Variants in EOGT observed in about 807,000 individuals in gnomAD.
EOGT encodes the protein EGF domain-specific O-linked N-acetylglucosamine transferase.
Under a neutral mutation model 70.5 loss-of-function variants are expected in EOGT, and 55 were observed. The ratio of observed to expected loss-of-function variants is 0.78; its 90% confidence interval spans 0.63 to 0.98. EOGT has a LOEUF of 0.98. Ranked by LOEUF, EOGT falls within the 50% of genes least tolerant of loss-of-function variation. The pLI, the probability that EOGT is intolerant of heterozygous loss-of-function variation, is 0.00. For synonymous variants in EOGT, 246 were observed against 217.1 expected (o/e 1.13, Z -1.17); for missense variants, 703 against 641.9 (o/e 1.10, Z -1.03).
intron 15 of EOGT, among the ~76,000 whole-genome samples, chr3:68,982,516 T>A (rs1187804911): frequency 6.6e-6 from 1 of 152,118 alleles, no homozygotes; most frequent in Non-Finnish European, 1.5e-5. Flanking sequence ...CAAGATTCTG[T>A]CTCAAAAACA....
rs758511439 is a variant in EOGT, at chr3:69,007,714, G to A, written c.419C>T (p.Thr140Met). The A allele has an allele frequency of 6.3e-5, 99 of 1,583,142 alleles. No individual in the cohort carries two copies. The highest frequency in any genetic ancestry group is 2.7e-4 in the African/African-American group (20 of 73,406). Residue 140 changes from threonine to methionine, a missense_variant and splice_region_variant, in exon 6 of 18, where the codon ACG (threonine) becomes ATG (methionine). Thr to Met is a moderately conservative substitution (Grantham distance 81). Coordinates refer to ENST00000383701, the MANE Select transcript of EOGT (RefSeq NM_001278689.2). ...TTTAGTAAGGAGCAAAATACCCACC[G>A]TTTCCTTAGGCTGACAGAGCACATG... ...EMHVLCQPKE[T>M]SDSSLVCSRY...
At position 68,977,680 on chromosome 3, in the gene EOGT, C is replaced by A. The variant is rs2090510211; in HGVS notation, c.1522G>T (p.Ala508Ser). The change falls in exon 18 of 18, where the codon GCT becomes TCT. Residue 508 changes from alanine to serine, a missense_variant. Transcript: ENST00000383701. ...VEEFMYLVLQ[A>S]ADHVLQHPKW... ...GGGTGTTGCAATACGTGGTCTGCAGCCTGAAGGACAAGATACATAAATTCT... is the reference window on the plus strand; with the variant it reads ...GGGTGTTGCAATACGTGGTCTGCAGACTGAAGGACAAGATACATAAATTCT... 6.2e-7 allele frequency: 1 copy of A among 1,613,848 alleles called. No homozygotes were observed. The highest frequency in any genetic ancestry group is 1.1e-5 in the South Asian group (1 of 91,006).
intron 16 of EOGT, 63 bp from the exon 17 acceptor site, chr3:68,978,498 T>G: frequency 8.7e-7 from 1 of 1,147,742 alleles, no homozygotes. Flanking sequence ...AATCAACAAC[T>G]CTGCGAAAAT....
At chr3:68,996,129 G>A (rs185038054) in intron 10 of EOGT, among the ~76,000 whole-genome samples, 9 of 152,192 alleles carry the variant, frequency 5.9e-5, no homozygotes, top group Non-Finnish European at 1.2e-4. Context: ...AAAACATTTC[G>A]AAGAAATGAA....
In EOGT at chr3:68,986,371, C is replaced by T. The variant is rs149672460; in HGVS notation, c.1152+1074G>A. 7.2e-4 allele frequency among the ~76,000 whole-genome samples: 110 copies of T among 152,218 alleles called. 1 individual carries two copies. Among genetic ancestry groups the T allele is most frequent in the African/African-American group, 2.6e-3 (106 of 41,522 alleles). On this transcript the variant is annotated intron_variant, in intron 14 of 17. Transcript: ENST00000383701. Reference sequence around the variant, plus strand: ...GGAAGAGACATTATTCTACCAACAACGCCCTGCTTTAAAACTTCACAATGG... The same window carrying T: ...GGAAGAGACATTATTCTACCAACAATGCCCTGCTTTAAAACTTCACAATGG...
At chr3:69,009,158 G>A (rs1289937704) in intron 4 of EOGT, among the ~76,000 whole-genome samples, 1 of 152,188 alleles carries the variant, frequency 6.6e-6, no homozygotes, top group Non-Finnish European at 1.5e-5. Flanking sequence ...CTGGGGCCCT[G>A]TGAGATGTCT....
intron 3 of EOGT, among the ~76,000 whole-genome samples, chr3:69,010,614 T>C (rs767670733): frequency 1.3e-5 from 2 of 152,242 alleles, no homozygotes; most frequent in Non-Finnish European, 2.9e-5. Context: ...TTAAATGAGT[T>C]AGTTATTGGT....
intron 7 of EOGT, 38 bp from the exon 8 acceptor site, chr3:69,004,520 C>T (rs973474178): frequency 3.4e-6 from 5 of 1,454,512 alleles, no homozygotes; most frequent in Middle Eastern, 1.7e-4. Context: ...GTTCAGAAAA[C>T]GTCTTCATGA....
chr3:68,997,597 G>A (rs1376725857), intron 10 of EOGT, among the ~76,000 whole-genome samples: 1 of 152,078 alleles, frequency 6.6e-6, no homozygotes, highest in Non-Finnish European at 1.5e-5. Flanking sequence ...TCGAACTCCT[G>A]GCCTCAAATG....
intron 3 of EOGT, among the ~76,000 whole-genome samples, chr3:69,011,083 C>G (rs1354003730): frequency 6.6e-6 from 1 of 152,032 alleles, no homozygotes; most frequent in African/African-American, 2.4e-5. Flanking sequence ...AGAAACCTCA[C>G]TGCATTTCTA....
intron 16 of EOGT, 34 bp from the exon 17 acceptor site, chr3:68,978,469 T>C (rs774809355): frequency 1.4e-6 from 2 of 1,450,982 alleles, no homozygotes; most frequent in South Asian, 1.3e-5. Context: ...CATGAGGCTT[T>C]TGTCCAAGGT....
intron 6 of EOGT, 152 bp from the exon 7 acceptor site, chr3:69,005,386 G>T: frequency 1.8e-6 from 1 of 540,574 alleles, no homozygotes; most frequent in Non-Finnish European, 3.3e-6. Context: ...ATCTGCTGAA[G>T]GATATTTTCT....
Position 68,998,081 on chromosome 3 carries a change from A to C in EOGT, c.761T>G (p.Ile254Ser), listed in dbSNP as rs751668781. 12 of 1,599,358 alleles carry C rather than the reference A, an allele frequency of 7.5e-6. No individual in the cohort carries two copies. Among genetic ancestry groups the C allele is most frequent in the Non-Finnish European group, 8.5e-6 (10 of 1,171,702 alleles). Residue 254 changes from isoleucine (I) to serine (S), a missense_variant, in exon 10 of 18, where the codon ATC becomes AGC. Physicochemically the swap from Ile to Ser is moderately radical, Grantham distance 142. Transcript: ENST00000383701. ...VNMYHHFCDF[I>S]NLYITQHVNN... ...AACGTGCTGAGTAATATAAAGATTGATGAAATCACAGAAGTGGTGATACAT... is the reference window on the plus strand; with the variant it reads ...AACGTGCTGAGTAATATAAAGATTGCTGAAATCACAGAAGTGGTGATACAT...
chr3:68,998,554 T>C (rs2091215144), intron 9 of EOGT, among the ~76,000 whole-genome samples: 1 of 152,158 alleles, frequency 6.6e-6, no homozygotes, highest in Admixed American at 6.5e-5. Flanking sequence ...ATCAGTTGTT[T>C]TTTAAAGTCA....
At position 68,998,035 on chromosome 3, in the gene EOGT, G is replaced by A. The variant is rs200904493; in HGVS notation, c.807C>T (p.Asp269=). The part of the protein sequence containing the change: ...TQHVNNSFST[D]VYIVMWDTSS... ...CGGTGTCCCACATCACGATGTACAC[G>A]TCAGTACTGAATGAGTTATTAACGT... The change falls in exon 10 of 18, where the codon GAC becomes GAT. Residue 269 remains aspartate (D), a synonymous_variant. Transcript: ENST00000383701. The A allele has an allele frequency of 1.2e-4, 195 of 1,587,136 alleles. 4 individuals are homozygous for A. The South Asian group carries it at 1.6e-3, about 13-fold the overall frequency.
chr3:68,979,565 G>T, intron 16 of EOGT, 103 bp downstream of exon 16: 2 of 1,265,194 alleles, frequency 1.6e-6, no homozygotes, highest in Non-Finnish European at 2.2e-6. Context: ...TTCTCTTTTT[G>T]AATGATTAAA....
intron 10 of EOGT, 46 bp downstream of exon 10, chr3:68,997,965 T>C: frequency 8.9e-7 from 1 of 1,120,502 alleles, no homozygotes; most frequent in Non-Finnish European, 1.3e-6. Context: ...CACACACTGA[T>C]ACAAGGGAAA....
intron 13 of EOGT, 53 bp from the exon 14 acceptor site, chr3:68,987,566 A>C: frequency 7.6e-7 from 1 of 1,318,632 alleles, no homozygotes; most frequent in East Asian, 2.3e-5. Flanking sequence ...GGGTAGATGA[A>C]TGAACATCTG....
intron 10 of EOGT, among the ~76,000 whole-genome samples, chr3:68,990,033 C>T (rs930353882): frequency 7.2e-5 from 11 of 151,954 alleles, no homozygotes; most frequent in Non-Finnish European, 1.5e-4. Flanking sequence ...TGGTAATTTC[C>T]CATTAATATT....
Sources: gnomAD v4.1 joint callset for allele counts (sites outside exome capture counted in the v4.1 genomes callset) on GRCh38, gnomAD v4.1.1 for gene constraint, MANE v1.5 for transcripts, NCBI Gene and HGNC (gene_info 2026-07-23, HGNC 2026-07-21) for gene names.